The following PATJ variants were observed in gnomAD, a reference collection of about 807,000 sequenced individuals.
The protein encoded by PATJ is inaD-like protein.
PATJ carries 190 observed loss-of-function variants against 224.9 expected under a neutral mutation model. That is an observed-to-expected ratio of 0.84 (90% CI 0.75 to 0.95). The LOEUF (loss-of-function observed/expected upper bound fraction) is 0.95, where lower values mean the gene tolerates loss of function less well. PATJ is among the 40% of genes least tolerant of loss of function. The pLI is 0.00. For missense variants in PATJ, 2,121 were observed against 2,270.3 expected, an observed-to-expected ratio of 0.93 and a Z score of 1.34; for synonymous variants, 769 against 820.3, an observed-to-expected ratio of 0.94 and a Z score of 1.07.
intron 28 of PATJ, among the ~76,000 whole-genome samples, chr1:61,998,062 A>T (rs1645521866): frequency 1.5e-5 from 2 of 134,090 alleles, no homozygotes; most frequent in African/African-American, 2.8e-5. Flanking sequence ...TATATATAAT[A>T]AATATATATT....
chr1:62,013,334 T>A, intron 28 of PATJ: 1 of 985,274 alleles, frequency 1.0e-6, no homozygotes, highest in South Asian at 4.7e-5. Flanking sequence ...ATTTTTTTTT[T>A]AACCTTAGTC....
At chr1:61,852,119 T>TAA (rs3030913) in intron 17 of PATJ, among the ~76,000 whole-genome samples, 9,330 of 108,720 alleles carry the variant, frequency 0.086, 487 homozygotes, top group South Asian at 0.16. Flanking sequence ...GATTCTGTCT[T>TAA]AAAAAAAAAA....
At chr1:61,824,203 T>C (rs756943381) in intron 15 of PATJ, among the ~76,000 whole-genome samples, 3 of 150,812 alleles carry the variant, frequency 2.0e-5, no homozygotes, top group Admixed American at 6.7e-5. Context: ...TTGGGAGAAA[T>C]GGAGGTATGA....
intron 28 of PATJ, among the ~76,000 whole-genome samples, chr1:62,007,650 A>G (rs959538934): frequency 6.6e-6 from 1 of 152,244 alleles, no homozygotes; most frequent in Non-Finnish European, 1.5e-5. Context: ...TGGGCTGACC[A>G]TAGACATCTA....
At chr1:61,969,580 G>C (rs909505073) in intron 27 of PATJ, among the ~76,000 whole-genome samples, 2 of 152,060 alleles carry the variant, frequency 1.3e-5, no homozygotes, top group Non-Finnish European at 2.9e-5. Context: ...ATTTATATTT[G>C]GTTGTTTTAG....
chr1:62,074,728 C>G (rs1042453551), intron 31 of PATJ, among the ~76,000 whole-genome samples: 2 of 152,214 alleles, frequency 1.3e-5, no homozygotes, highest in Non-Finnish European at 2.9e-5. Flanking sequence ...CTTTGGGAGG[C>G]TGAAACGGGT....
chr1:62,112,464 C>G (rs968234940), intron 34 of PATJ, among the ~76,000 whole-genome samples: 1 of 152,126 alleles, frequency 6.6e-6, no homozygotes, highest in Non-Finnish European at 1.5e-5. Flanking sequence ...CGGGATCGCA[C>G]CACTATACTC....
At chr1:62,048,375 G>A (rs371383185) in intron 30 of PATJ, among the ~76,000 whole-genome samples, 3 of 151,710 alleles carry the variant, frequency 2.0e-5, no homozygotes, top group South Asian at 2.1e-4. Context: ...GCGAAACCCC[G>A]TCTCTACTAA....
chr1:61,850,413 T>C (rs974905891), intron 17 of PATJ, among the ~76,000 whole-genome samples: 4 of 152,232 alleles, frequency 2.6e-5, no homozygotes, highest in African/African-American at 4.8e-5. Context: ...CTTGAGAAAG[T>C]AACTGTACAT....
chr1:61,880,452 G>C (rs1418272612), intron 21 of PATJ, among the ~76,000 whole-genome samples: 1 of 152,118 alleles, frequency 6.6e-6, no homozygotes, highest in Non-Finnish European at 1.5e-5. Context: ...AAATACTTAA[G>C]GTTTTGTGTC....
intron 26 of PATJ, among the ~76,000 whole-genome samples, chr1:61,920,256 C>T (rs1040971156): frequency 9.2e-5 from 14 of 152,114 alleles, no homozygotes; most frequent in African/African-American, 3.1e-4. Context: ...TGGCAGTCTC[C>T]CCACCCAAAT....
chr1:62,023,290 C>CAA lies in PATJ; in HGVS notation c.3959+5358_3959+5359dup, dbSNP rs10600520. 5.1e-3 allele frequency among the ~76,000 whole-genome samples: 537 copies of CAA among 105,074 alleles called. 2 individuals are homozygous for CAA. The highest frequency in any genetic ancestry group is 0.013 in the African/African-American group (363 of 27,250). The allele number at this position is 105,074 out of a possible 152,430, so 68.9% of individuals were successfully genotyped here. On this transcript the variant is annotated intron_variant, in intron 29 of 43. Transcript: ENST00000642238. Reference sequence around the variant, plus strand: ...GGGCAAAAAGAGTGAAAGTCCATCTCAAAAAAAAAAAAAAAATCCTTCTTG... The same window carrying CAA: ...GGGCAAAAAGAGTGAAAGTCCATCTCAAAAAAAAAAAAAAAAAATCCTTCTTG...
At chr1:62,038,152 T>A in intron 30 of PATJ, 103 bp downstream of exon 30, 1 of 698,422 alleles carries the variant, frequency 1.4e-6, no homozygotes, top group Admixed American at 2.8e-5. Context: ...TATTCCAAAC[T>A]CGTGGAAAAT....
intron 29 of PATJ, among the ~76,000 whole-genome samples, chr1:62,035,152 A>G (rs574709689): frequency 2.4e-4 from 37 of 152,304 alleles, no homozygotes; most frequent in African/African-American, 8.2e-4. Flanking sequence ...ATATGTGAGC[A>G]AACTACTGAG....
intron 38 of PATJ, 61 bp downstream of exon 38, chr1:62,121,356 G>T (rs1223406562): frequency 2.5e-6 from 2 of 816,272 alleles, no homozygotes; most frequent in Non-Finnish European, 1.9e-6. Context: ...AAAAAAAAAT[G>T]TGTTTTTTAA....
intron 33 of PATJ, among the ~76,000 whole-genome samples, chr1:62,085,793 T>C (rs1659893068): frequency 7.0e-6 from 1 of 143,308 alleles, no homozygotes; most frequent in Non-Finnish European, 1.5e-5. Context: ...TACTCCAGCC[T>C]GAGCAACAGA....
rs567552624 is a variant in PATJ at position 61,937,737 on chromosome 1, G to A, written c.3670+9908G>A. ...ACGATCTCAGCTCACCACAACCTCC[G>A]CCTCCTGAATTCAAGTGATTCTCCT... On this transcript the variant is annotated intron_variant, in intron 27 of 43. Transcript: ENST00000642238. Among the ~76,000 whole-genome samples, 120 of 143,780 alleles carry A rather than the reference G, an allele frequency of 8.3e-4. 1 individual carries two copies. Among genetic ancestry groups the A allele is most frequent in the African/African-American group, 2.3e-3 (91 of 39,388 alleles). 94.3% of individuals were successfully genotyped at this position (143,780 alleles called of 152,430 possible).
intron 4 of PATJ, among the ~76,000 whole-genome samples, chr1:61,766,697 A>T (rs1646290922): frequency 6.6e-6 from 1 of 152,192 alleles, no homozygotes; most frequent in Non-Finnish European, 1.5e-5. Flanking sequence ...TGTGGTAAGG[A>T]GAGCTTTTTA....
At chr1:61,960,663 C>CAA (rs1163415331) in intron 27 of PATJ, among the ~76,000 whole-genome samples, 4 of 98,482 alleles carry the variant, frequency 4.1e-5, no homozygotes, top group East Asian at 2.7e-4. Flanking sequence ...AACTCCATCT[C>CAA]AAAAAAAAAA....
Sources: gnomAD v4.1 joint callset for allele counts (sites outside exome capture counted in the v4.1 genomes callset) on GRCh38, gnomAD v4.1.1 for gene constraint, MANE v1.5 for transcripts, NCBI Gene and HGNC (gene_info 2026-07-23, HGNC 2026-07-21) for gene names.